Variants in PECR observed in about 807,000 individuals in gnomAD.
PECR encodes peroxisomal trans-2-enoyl-CoA reductase, also known as 2,4-dienoyl-CoA reductase-related protein.
A neutral mutation model predicts 35.3 loss-of-function variants in PECR; 30 were observed. The observed-to-expected ratio is 0.85, with a 90% CI of 0.64 to 1.15. PECR has a LOEUF of 1.15. Among genes scored for constraint, PECR ranks in the 50% most tolerant of loss-of-function variants. The pLI, the probability that PECR is intolerant of heterozygous loss-of-function variation, is 0.00. For missense variants in PECR, 392 were observed against 370.8 expected (o/e 1.06, Z -0.47); for synonymous variants, 148 against 138.9 (o/e 1.07, Z -0.46).
At position 216,038,431 on chromosome 2, in the gene PECR, A is replaced by C. The variant is rs1420931904; in HGVS notation, c.*844T>G. Reference sequence around the variant, plus strand: ...TTCTTTGAATTAAGAGAATTTATACAAATTTGACTTCATAAACAAAAGAAA... The same window carrying C: ...TTCTTTGAATTAAGAGAATTTATACCAATTTGACTTCATAAACAAAAGAAA... On this transcript the variant is annotated 3_prime_UTR_variant, in exon 8 of 8. Transcript: ENST00000265322. The C allele has an allele frequency of 6.6e-6, 1 of 152,244 alleles. No homozygotes were observed. The highest frequency in any genetic ancestry group is 1.9e-4 in the East Asian group (1 of 5,204). The allele number at this position is 152,244 out of a possible 1,614,324, so 9.4% of individuals were successfully genotyped here.
In PECR at chr2:216,043,985, G is replaced by T; in HGVS notation, c.745C>A (p.Pro249Thr). ...VSSVVCFLLS[P>T]AASFITGQSV... ...TGTCCAGTGATGAAGGAAGCTGCAGGAGACAGTAGGAAGCAGACCACAGAG... is the reference window on the plus strand; with the variant it reads ...TGTCCAGTGATGAAGGAAGCTGCAGTAGACAGTAGGAAGCAGACCACAGAG... The change falls in exon 7 of 8, where the codon CCT (proline) becomes ACT (threonine). Residue 249 changes from proline (P) to threonine (T), a missense_variant. Physicochemically the swap from Pro to Thr is conservative, Grantham distance 38. Coordinates refer to ENST00000265322, the MANE Select transcript of PECR (RefSeq NM_018441.6). The T allele has an allele frequency of 6.2e-7, 1 of 1,611,898 alleles. No homozygotes were observed. Among genetic ancestry groups the T allele is most frequent in the Non-Finnish European group, 8.5e-7 (1 of 1,178,038 alleles).
Position 216,071,760 on chromosome 2 carries a change from TTG to T in PECR, c.125-5244_125-5243del, listed in dbSNP as rs536059689. 1.4e-4 allele frequency among the ~76,000 whole-genome samples: 22 copies of T among 152,306 alleles called. No individual in the cohort carries two copies. The East Asian group carries it at 4.2e-3, about 29-fold the overall frequency. On this transcript the variant is annotated intron_variant, in intron 1 of 7. Transcript: ENST00000265322. ...ATGACTTTTGCCCAAAACTCTCTAT[TTG>T]TCTCTATTTAACTCTACCTCTATTT...
intron 1 of PECR, among the ~76,000 whole-genome samples, chr2:216,080,048 G>T (rs988822009): frequency 6.6e-6 from 1 of 151,566 alleles, no homozygotes; most frequent in African/African-American, 2.4e-5. Flanking sequence ...CAATAATATG[G>T]TATGCATTTC....
intron 3 of PECR, chr2:216,064,220 C>G (rs1441848949): frequency 6.6e-6 from 1 of 152,222 alleles, no homozygotes; most frequent in Non-Finnish European, 1.5e-5. Flanking sequence ...AATACTCATT[C>G]TCCCTTTCTT....
At chr2:216,076,019 A>G (rs1695689899) in intron 1 of PECR, among the ~76,000 whole-genome samples, 1 of 152,208 alleles carries the variant, frequency 6.6e-6, no homozygotes, top group Non-Finnish European at 1.5e-5. Context: ...CTCTCTGCCT[A>G]ACAGCACCTG....
rs1559206449 is a variant in PECR, at chr2:216,039,231, G to C, written c.*44C>G. 1.0e-6 allele frequency: 1 copy of C among 979,858 alleles called. No individual in the cohort carries two copies. The allele number at this position is 979,858 out of a possible 1,614,324, so 60.7% of individuals were successfully genotyped here. On this transcript the variant is annotated 3_prime_UTR_variant, in exon 8 of 8. Transcript: ENST00000265322. The stretch of plus-strand genomic sequence containing the variant: ...AAAAAGTACAGAAGCATATCCTCAA[G>C]ATGTGAAGGCACTGGGGGATGGAGG...
intron 1 of PECR, among the ~76,000 whole-genome samples, chr2:216,077,877 A>T (rs1271210156): frequency 6.6e-6 from 1 of 152,004 alleles, no homozygotes; most frequent in Non-Finnish European, 1.5e-5. Context: ...TAAGATTTTT[A>T]GCCATTTTTC....
Position 216,039,342 on chromosome 2 carries a change from T to G in PECR, c.845A>C (p.Lys282Thr), listed in dbSNP as rs746674019. 5 of 1,603,404 alleles carry G rather than the reference T, an allele frequency of 3.1e-6. No individual in the cohort carries two copies. Among genetic ancestry groups the G allele is most frequent in the Non-Finnish European group, 1.7e-6 (2 of 1,170,270 alleles). ...GACAACAGAAAGGTCCCCTGCTCCC[T>G]TGGGCCAGTTGTCATGATCTGTTAA... ...YEVPDHDNWP[K>T]GAGDLSVVKK... Residue 282 changes from lysine to threonine, a missense_variant, in exon 8 of 8, where the codon AAG (lysine) becomes ACG (threonine). Physicochemically the swap from Lys to Thr is moderately conservative, Grantham distance 78. Coordinates refer to ENST00000265322, the MANE Select transcript of PECR (RefSeq NM_018441.6).
downstream of PECR, among the ~76,000 whole-genome samples, chr2:216,035,399 C>T (rs535503348): frequency 6.6e-6 from 1 of 152,212 alleles, no homozygotes; most frequent in South Asian, 2.1e-4. Flanking sequence ...CAGAGCACCA[C>T]AGTGACTTCT....
At chr2:216,049,049 T>G (rs1053988305) in intron 6 of PECR, among the ~76,000 whole-genome samples, 11 of 152,112 alleles carry the variant, frequency 7.2e-5, no homozygotes, top group Non-Finnish European at 1.5e-4. Context: ...AAAAATGCTG[T>G]TATTAATTTA....
intron 1 of PECR, among the ~76,000 whole-genome samples, chr2:216,075,220 T>G (rs927552922): frequency 1.3e-5 from 2 of 152,234 alleles, no homozygotes; most frequent in Non-Finnish European, 2.9e-5. Flanking sequence ...TGAGCTATGA[T>G]GACACTACTG....
intron 6 of PECR, among the ~76,000 whole-genome samples, chr2:216,044,412 T>G (rs1236471962): frequency 6.6e-6 from 1 of 152,238 alleles, no homozygotes. Context: ...TCGTGCCTTT[T>G]ATGTTTTGGT....
In PECR at chr2:216,051,438, C is replaced by G. The variant is rs770569767; in HGVS notation, c.603+11G>C. On this transcript the variant is annotated intron_variant, in intron 5 of 7. Coordinates refer to ENST00000265322, the MANE Select transcript of PECR (RefSeq NM_018441.6). ...TTTGTCAATAAATTTCAATATAGAT[C>G]GTTTACCTACAGGGGCAACACAATT... The G allele has an allele frequency of 6.0e-6, 9 of 1,502,310 alleles. No individual in the cohort carries two copies. The Admixed American group carries it at 1.3e-4, about 22-fold the overall frequency. The allele number at this position is 1,502,310 out of a possible 1,614,324, so 93.1% of individuals were successfully genotyped here.
rs113354985 is a variant in PECR, at chr2:216,081,800, C to G, written c.-59G>C. 2 of 1,589,114 alleles carry G rather than the reference C, an allele frequency of 1.3e-6. No homozygotes were observed. Among genetic ancestry groups the G allele is most frequent in the Non-Finnish European group, 8.5e-7 (1 of 1,171,348 alleles). Reference sequence around the variant, plus strand: ...GGCCCTTCTGGGTCTCAGGGACATTCGAGGCGGGCGGGCGGACAGGGCGGT... The same window carrying G: ...GGCCCTTCTGGGTCTCAGGGACATTGGAGGCGGGCGGGCGGACAGGGCGGT... On this transcript the variant is annotated 5_prime_UTR_variant, in exon 1 of 8. Transcript: ENST00000265322.
intron 1 of PECR, among the ~76,000 whole-genome samples, chr2:216,074,490 AAAAAAGGAAGGAAGGAAGGAAGGAAGG>A (rs1559219486): frequency 1.5e-5 from 2 of 132,950 alleles, no homozygotes; most frequent in Admixed American, 8.0e-5. Context: ...GAAAGAAAGA[AAAAAAGGAAGGAAGGAAGGAAGGAAGG>A]AAGGAAGGAA....
At chr2:216,042,954 T>C (rs989979441) in intron 7 of PECR, among the ~76,000 whole-genome samples, 1 of 125,924 alleles carries the variant, frequency 7.9e-6, no homozygotes, top group Non-Finnish European at 1.7e-5. Flanking sequence ...TATATGTGTA[T>C]ATATATATAC....
In PECR at chr2:216,065,228, G is replaced by A. The variant is rs114919649; in HGVS notation, c.424+84C>T. ...GAAAATCCAGCCAATAAATGTTAAT[G>A]ACATGGGGCTTCTGAGTCCCTAATA... On this transcript the variant is annotated intron_variant, in intron 3 of 7. Transcript: ENST00000265322. 2,476 of 898,338 alleles carry A rather than the reference G, an allele frequency of 2.8e-3. 36 individuals are homozygous for A. In the African/African-American group the frequency reaches 0.032, roughly 12 times the overall value. The allele number at this position is 898,338 out of a possible 1,614,324, so 55.6% of individuals were successfully genotyped here. A position where few individuals can be genotyped will look rare whatever the true frequency, so the allele number is the denominator to read the frequency against.
intron 1 of PECR, among the ~76,000 whole-genome samples, chr2:216,080,940 G>A (rs1695827624): frequency 6.6e-6 from 1 of 152,164 alleles, no homozygotes; most frequent in Non-Finnish European, 1.5e-5. Context: ...AGGATCCCTT[G>A]AACCCAGGTG....
At chr2:216,054,306 AAAAAG>A (rs1330117012) in intron 4 of PECR, among the ~76,000 whole-genome samples, 2 of 151,088 alleles carry the variant, frequency 1.3e-5, no homozygotes, top group Non-Finnish European at 3.0e-5. Context: ...AAGAAAAAAA[AAAAAG>A]AAAAGTAGGA....
Sources: gnomAD v4.1 joint callset for allele counts (sites outside exome capture counted in the v4.1 genomes callset) on GRCh38, gnomAD v4.1.1 for gene constraint, MANE v1.5 for transcripts, NCBI Gene and HGNC (gene_info 2026-07-23, HGNC 2026-07-21) for gene names.